Variants in CAPN8 observed in about 807,000 individuals in gnomAD.
CAPN8 encodes the protein calpain-8.
CAPN8 carries 87 observed loss-of-function variants against 80.9 expected under a neutral mutation model. That is an observed-to-expected ratio of 1.07 (90% CI 0.90 to 1.28). The LOEUF (loss-of-function observed/expected upper bound fraction) is 1.28, where lower values mean the gene tolerates loss of function less well. CAPN8 is among the 50% of genes most tolerant of loss of function. The probability of loss-of-function intolerance (pLI) is 0.00; values close to 1 mark genes in which losing one functional copy is unlikely to be tolerated. For missense variants in CAPN8, 757 were observed against 702.0 expected (o/e 1.08, Z -0.89); for synonymous variants, 299 against 273.8 (o/e 1.09, Z -0.91).
intron 19 of CAPN8, 146 bp downstream of exon 19, chr1:223,543,921 G>A (rs932562070): frequency 1.3e-5 from 8 of 612,034 alleles, no homozygotes; most frequent in South Asian, 3.8e-5. Context: ...CGCCCCCAAG[G>A]TGCCAGCATT....
At chr1:223,556,694 G>C (rs1656913250) in intron 13 of CAPN8, among the ~76,000 whole-genome samples, 1 of 152,194 alleles carries the variant, frequency 6.6e-6, no homozygotes, top group Non-Finnish European at 1.5e-5. Context: ...TTGAACTCCT[G>C]CCAATCTGGT....
At chr1:223,551,966 G>C (rs1055078052) in intron 14 of CAPN8, among the ~76,000 whole-genome samples, 7 of 152,124 alleles carry the variant, frequency 4.6e-5, no homozygotes, top group African/African-American at 1.7e-4. Context: ...TGTGCATCTG[G>C]GATAAACACT....
intron 2 of CAPN8, among the ~76,000 whole-genome samples, chr1:223,653,970 C>T (rs116027863): frequency 6.0e-4 from 91 of 152,278 alleles, no homozygotes; most frequent in African/African-American, 2.2e-3. Flanking sequence ...TTAGATATGG[C>T]CATTCCAAAG....
intron 1 of CAPN8, among the ~76,000 whole-genome samples, chr1:223,655,844 C>T (rs572492131): frequency 6.6e-5 from 10 of 152,198 alleles, no homozygotes; most frequent in Admixed American, 1.3e-4. Context: ...GGCAGGACCT[C>T]GAGGGACAAA....
At chr1:223,628,585 T>C in intron 3 of CAPN8, 77 bp downstream of exon 3, 2 of 1,166,864 alleles carry the variant, frequency 1.7e-6, no homozygotes, top group Non-Finnish European at 2.5e-6. Flanking sequence ...AAACCCAGAA[T>C]TTCTGACGCA....
chr1:223,624,213 A>G (rs1243515652), intron 6 of CAPN8, among the ~76,000 whole-genome samples: 2 of 152,192 alleles, frequency 1.3e-5, no homozygotes, highest in African/African-American at 4.8e-5. Flanking sequence ...AGTAGCTGGA[A>G]CTACAGGCAC....
At chr1:223,545,111 G>C in intron 17 of CAPN8, 120 bp downstream of exon 17, 1 of 1,494,082 alleles carries the variant, frequency 6.7e-7, no homozygotes, top group Non-Finnish European at 9.0e-7. Context: ...TGACCAATGT[G>C]CCCAGGACTC....
intron 10 of CAPN8, among the ~76,000 whole-genome samples, chr1:223,614,399 C>CA (rs66479503): frequency 0.29 from 38,088 of 130,650 alleles, 5,204 homozygotes; most frequent in Admixed American, 0.33. Context: ...GAGTCCGTCT[C>CA]AAAAAAAAAA....
intron 2 of CAPN8, among the ~76,000 whole-genome samples, chr1:223,650,163 G>T (rs377218522): frequency 1.3e-4 from 20 of 152,188 alleles, no homozygotes; most frequent in African/African-American, 4.8e-4. Flanking sequence ...ATTTAGGAGA[G>T]GGGGAAAGAT....
chr1:223,647,751 AC>A (rs1558354945), intron 2 of CAPN8, among the ~76,000 whole-genome samples: 1 of 152,240 alleles, frequency 6.6e-6, no homozygotes, highest in Non-Finnish European at 1.5e-5. Context: ...CCATAAAAAA[AC>A]AATTATACTG....
intron 7 of CAPN8, among the ~76,000 whole-genome samples, chr1:223,620,614 C>T (rs568419489): frequency 4.6e-5 from 7 of 152,304 alleles, no homozygotes; most frequent in Non-Finnish European, 8.8e-5. Flanking sequence ...CAGGAGAGAA[C>T]GTGGATGAGT....
chr1:223,615,755 A>T (rs1657153464), intron 10 of CAPN8: 1 of 681,414 alleles, frequency 1.5e-6, no homozygotes, highest in African/African-American at 1.8e-5. Context: ...CACACATCTC[A>T]ATGTTAACAG....
At chr1:223,623,621 T>C (rs1024892332) in intron 6 of CAPN8, among the ~76,000 whole-genome samples, 1 of 152,174 alleles carries the variant, frequency 6.6e-6, no homozygotes, top group African/African-American at 2.4e-5. Context: ...TTGTCTTCAT[T>C]TCCTGTGTAT....
intron 2 of CAPN8, among the ~76,000 whole-genome samples, chr1:223,629,228 GTGTT>G (rs998271663): frequency 1.3e-4 from 19 of 150,274 alleles, no homozygotes; most frequent in South Asian, 4.3e-4. Flanking sequence ...GTGTGTGTGT[GTGTT>G]TATGTTCCTT....
intron 2 of CAPN8, among the ~76,000 whole-genome samples, chr1:223,652,858 A>G (rs960668419): frequency 1.3e-5 from 2 of 151,940 alleles, no homozygotes; most frequent in Non-Finnish European, 2.9e-5. Flanking sequence ...GGTTGGGTTC[A>G]TTTCCTGTGC....
At chr1:223,648,221 C>T (rs78928906) in intron 2 of CAPN8, among the ~76,000 whole-genome samples, 2,613 of 152,282 alleles carry the variant, frequency 0.017, 69 homozygotes, top group African/African-American at 0.059. Flanking sequence ...TGCGCCGATG[C>T]GCCGCGGAGT....
At chr1:223,556,240 A>G (rs989425371) in intron 13 of CAPN8, among the ~76,000 whole-genome samples, 1 of 152,180 alleles carries the variant, frequency 6.6e-6, no homozygotes, top group African/African-American at 2.4e-5. Context: ...CCTAAAGGCA[A>G]TAGTCCTTCC....
chr1:223,624,253 A>T (rs1221929435), intron 6 of CAPN8, among the ~76,000 whole-genome samples: 1 of 152,190 alleles, frequency 6.6e-6, no homozygotes, highest in Non-Finnish European at 1.5e-5. Flanking sequence ...ATTTCAGTTA[A>T]ATAAATAACA....
intron 2 of CAPN8, among the ~76,000 whole-genome samples, chr1:223,645,858 G>A (rs1257611768): frequency 1.3e-5 from 2 of 152,184 alleles, no homozygotes; most frequent in Non-Finnish European, 2.9e-5. Flanking sequence ...GGAGCAGAAG[G>A]GAGAGGGTAA....
Sources: gnomAD v4.1 joint callset for allele counts (sites outside exome capture counted in the v4.1 genomes callset) on GRCh38, gnomAD v4.1.1 for gene constraint, MANE v1.5 for transcripts, NCBI Gene and HGNC (gene_info 2026-07-23, HGNC 2026-07-21) for gene names.